AKAP12: variants seen among roughly 807,000 people sequenced by gnomAD.
AKAP12 encodes A-kinase anchoring protein 12.
AKAP12 carries 32 observed loss-of-function variants against 79.9 expected under a neutral mutation model. The ratio of observed to expected loss-of-function variants is 0.40; its 90% CI spans 0.30 to 0.54. AKAP12 has a LOEUF of 0.54. Ranked by LOEUF, AKAP12 falls within the 20% of genes least tolerant of loss-of-function variation. AKAP12 has a pLI of 0.48. For missense variants in AKAP12, 2,074 were observed against 2,177.0 expected, an observed-to-expected ratio of 0.95 and a Z score of 0.94; for synonymous variants, 808 against 857.0, an observed-to-expected ratio of 0.94 and a Z score of 1.00.
In AKAP12 at chr6:151,259,485, C is replaced by T. The variant is rs13195373; in HGVS notation, c.162+18761C>T. Among the ~76,000 whole-genome samples, 657 of 66,846 alleles carry T rather than the reference C, an allele frequency of 9.8e-3. 7 individuals carry two copies. The highest frequency in any genetic ancestry group is 0.049 in the African/African-American group (579 of 11,714). 43.9% of individuals were successfully genotyped at this position (66,846 alleles called of 152,430 possible). ...ATATATACATGTATATATATATATA[C>T]ACACACATATACATGTATATATATA... On this transcript the variant is annotated intron_variant, in intron 2 of 4. Transcript: ENST00000402676.
chr6:151,258,621 T>A (rs1311585638), intron 2 of AKAP12, among the ~76,000 whole-genome samples: 1 of 152,154 alleles, frequency 6.6e-6, no homozygotes, highest in Non-Finnish European at 1.5e-5. Flanking sequence ...TTAATAAATA[T>A]CTACTAAACT....
At position 151,350,759 on chromosome 6, in the gene AKAP12, G is replaced by A. The variant is rs772167626; in HGVS notation, c.2368G>A (p.Glu790Lys). ...SEDSIAGSGV[E>K]HSTPDTEPGK... is the part of the protein sequence containing the mutation. ...AGACTCCATAGCTGGGTCTGGTGTAGAACATTCCACTCCAGACACTGAACC... is the reference window on the plus strand; with the variant it reads ...AGACTCCATAGCTGGGTCTGGTGTAAAACATTCCACTCCAGACACTGAACC... Residue 790 changes from glutamate to lysine, a missense_variant, in exon 4 of 5, where the codon GAA (glutamate) becomes AAA (lysine). By Grantham distance (56) the Glu-to-Lys change is moderately conservative. Around this residue, in one of 3 missense-constraint regions of AKAP12, gnomAD observed 1,428 missense variants for 1,451.0 expected, o/e 0.98. Transcript: ENST00000402676. The surrounding 1 kb of genome is among the most constrained non-coding windows in gnomAD (Gnocchi z 4.8). 6 of 1,613,940 alleles carry A rather than the reference G, an allele frequency of 3.7e-6. No individual in the cohort carries two copies. The highest frequency in any genetic ancestry group is 4.2e-6 in the Non-Finnish European group (5 of 1,180,004).
chr6:151,349,689 C>T lies in AKAP12; in HGVS notation c.1298C>T (p.Thr433Met), dbSNP rs759208513. The T allele has an allele frequency of 2.3e-5, 37 of 1,613,738 alleles. No individual in the cohort carries two copies. The Middle Eastern group carries it at 4.9e-4, about 22-fold the overall frequency. The change falls in exon 4 of 5, where the codon ACG (threonine) becomes ATG (methionine). Residue 433 changes from threonine (T) to methionine (M), a missense_variant. This residue lies in a region of AKAP12 where 1,428 missense variants were observed against 1,451.0 expected (regional missense o/e 0.98). Coordinates refer to ENST00000402676, the MANE Select transcript of AKAP12 (RefSeq NM_005100.4). ...TVEERTEEQK[T>M]EVEETAGSVP... ...GAGGAGAGAACCGAAGAGCAGAAAA[C>T]GGAGGTGGAAGAAACAGCAGGGTCT...
intron 3 of AKAP12, among the ~76,000 whole-genome samples, chr6:151,345,955 GAGAGAGAGAA>G (rs1278601426): frequency 1.5e-4 from 23 of 150,502 alleles, no homozygotes; most frequent in Non-Finnish European, 2.5e-4. Flanking sequence ...GAGAGAGAGA[GAGAGAGAGAA>G]AGGAGAGACA....
chr6:151,346,952 C>G (rs1265981300), intron 3 of AKAP12, among the ~76,000 whole-genome samples: 2 of 152,182 alleles, frequency 1.3e-5, no homozygotes, highest in Non-Finnish European at 2.9e-5. Context: ...GTATCACTCT[C>G]GATTCATGGA....
At chr6:151,340,223 C>T (rs1410359618) in intron 3 of AKAP12, among the ~76,000 whole-genome samples, 3 of 149,382 alleles carry the variant, frequency 2.0e-5, no homozygotes, top group East Asian at 2.0e-4. Context: ...TGAGCCACCG[C>T]GCCCAGCGGT....
At chr6:151,293,320 T>A (rs531214490) in intron 2 of AKAP12, among the ~76,000 whole-genome samples, 8 of 152,348 alleles carry the variant, frequency 5.3e-5, no homozygotes, top group African/African-American at 1.4e-4. Context: ...TAAAACCTAC[T>A]ATGAATTTGC....
intron 2 of AKAP12, among the ~76,000 whole-genome samples, chr6:151,262,859 T>C (rs11961573): frequency 0.13 from 19,597 of 152,134 alleles, 1,539 homozygotes; most frequent in African/African-American, 0.21. Context: ...CAGGCCTGCT[T>C]GGTCCCTCCT....
chr6:151,305,791 T>G lies in AKAP12; in HGVS notation c.207T>G (p.Ala69=). 2 of 1,614,022 alleles carry G rather than the reference T, an allele frequency of 1.2e-6. No homozygotes were observed. The highest frequency in any genetic ancestry group is 2.7e-5 in the African/African-American group (2 of 75,022). The change falls in exon 3 of 5, where the codon GCT becomes GCG. Residue 69 remains alanine, a synonymous_variant. Coordinates refer to ENST00000402676, the MANE Select transcript of AKAP12 (RefSeq NM_005100.4). The stretch of plus-strand genomic sequence containing the variant: ...AGCTGTCCACCATCAATGGCGTAGC[T>G]GAGCAAGATGAGCTCAGCCTCCAGG... ...NGQLSTINGV[A]EQDELSLQEG... is the part of the protein sequence containing the mutation.
intron 3 of AKAP12, among the ~76,000 whole-genome samples, chr6:151,327,441 ATTAAC>A (rs1777557845): frequency 6.6e-6 from 1 of 152,198 alleles, no homozygotes; most frequent in South Asian, 2.1e-4. Context: ...CCCCCAGATC[ATTAAC>A]TTTTCTATGA....
At chr6:151,261,411 C>T (rs1753700876) in intron 2 of AKAP12, among the ~76,000 whole-genome samples, 1 of 151,802 alleles carries the variant, frequency 6.6e-6, no homozygotes, top group Admixed American at 6.6e-5. Flanking sequence ...AATGGTTTGG[C>T]TGGGCACAGT....
At chr6:151,299,150 C>T (rs1451858275) in intron 2 of AKAP12, among the ~76,000 whole-genome samples, 1 of 152,156 alleles carries the variant, frequency 6.6e-6, no homozygotes, top group Non-Finnish European at 1.5e-5. Context: ...GGCTCCGTCC[C>T]GTTCAATGTT....
At chr6:151,283,352 A>G (rs1409458937) in intron 2 of AKAP12, among the ~76,000 whole-genome samples, 1 of 152,244 alleles carries the variant, frequency 6.6e-6, no homozygotes, top group Non-Finnish European at 1.5e-5. Context: ...ACCAAGATGC[A>G]GAAAAGCCCA....
chr6:151,324,920 G>A, intron 3 of AKAP12: 1 of 985,446 alleles, frequency 1.0e-6, no homozygotes, highest in Non-Finnish European at 1.2e-6. Context: ...TCCGAGTTGT[G>A]TGCTTGCATG....
intron 3 of AKAP12, chr6:151,325,969 G>T: frequency 6.3e-7 from 1 of 1,595,512 alleles, no homozygotes; most frequent in Non-Finnish European, 8.6e-7. Context: ...TTGAATGAGC[G>T]TTTGGTGGGG....
At chr6:151,318,290 T>C (rs967525404) in intron 3 of AKAP12, among the ~76,000 whole-genome samples, 6 of 152,310 alleles carry the variant, frequency 3.9e-5, no homozygotes, top group African/African-American at 1.4e-4. Flanking sequence ...AAAGTGTTCC[T>C]TGTTTATAAG....
At chr6:151,333,046 C>T (rs1777716640) in intron 3 of AKAP12, among the ~76,000 whole-genome samples, 1 of 152,222 alleles carries the variant, frequency 6.6e-6, no homozygotes, top group Non-Finnish European at 1.5e-5. Context: ...AGTACATCCA[C>T]ATATCAGTGA....
chr6:151,347,968 G>T (rs11155786), intron 3 of AKAP12, among the ~76,000 whole-genome samples: 73,091 of 150,922 alleles, frequency 0.48, 21,494 homozygotes, highest in Non-Finnish European at 0.65. Flanking sequence ...TCAGAAGATC[G>T]AGACCATTCT....
Position 151,320,411 on chromosome 6 carries a change from C to T in AKAP12, c.319+14508C>T, listed in dbSNP as rs540299013. 3.3e-5 allele frequency among the ~76,000 whole-genome samples: 5 copies of T among 152,156 alleles called. No homozygotes were observed. The East Asian group carries it at 5.8e-4, about 18-fold the overall frequency. On this transcript the variant is annotated intron_variant, in intron 3 of 4. Coordinates refer to ENST00000402676, the MANE Select transcript of AKAP12 (RefSeq NM_005100.4). The stretch of plus-strand genomic sequence containing the variant: ...CTGGGATTACAGGCATGAGCCACCT[C>T]GCCCGGCCTGTGTCACTACTTTGTG...
Sources: allele counts gnomAD v4.1 joint callset (sites outside exome capture counted in the v4.1 genomes callset), GRCh38; gene constraint gnomAD v4.1.1; regional missense constraint gnomAD v4.1.1; non-coding constraint Gnocchi (gnomAD v3.1); transcripts MANE v1.5; gene names NCBI Gene and HGNC (gene_info 2026-07-23, HGNC 2026-07-21).